The following GABRA3 variants were observed in gnomAD, a reference collection of about 807,000 sequenced individuals.
GABRA3 encodes gamma-aminobutyric acid type A receptor subunit alpha3, also known as gamma-aminobutyric acid receptor subunit alpha-3.
A neutral mutation model predicts 30.1 loss-of-function variants in GABRA3; 10 were observed. The ratio of observed to expected loss-of-function variants is 0.33; its 90% CI spans 0.20 to 0.56. The LOEUF (loss-of-function observed/expected upper bound fraction) is 0.56, where lower values mean the gene tolerates loss of function less well. GABRA3 is among the 20% of genes least tolerant of loss of function. The pLI is 0.89. For synonymous variants in GABRA3, 151 were observed against 146.8 expected (o/e 1.03, Z -0.21); for missense variants, 233 against 392.0 (o/e 0.59, Z 3.42).
intron 3 of GABRA3, among the ~76,000 whole-genome samples, chrX:152,291,010 T>A (rs1939402150): frequency 9.0e-6 from 1 of 111,710 alleles, no homozygotes; most frequent in Non-Finnish European, 1.9e-5. Context: ...CTTTTTTGGT[T>A]CCATATGAAC....
intron 2 of GABRA3, among the ~76,000 whole-genome samples, chrX:152,364,224 G>A (rs1928588908): frequency 9.0e-6 from 1 of 111,400 alleles, no homozygotes; most frequent in Non-Finnish European, 1.9e-5. Flanking sequence ...TCAAGCCTGG[G>A]CCAGGGTGTT....
chrX:152,240,299 C>G (rs1938332409), intron 5 of GABRA3, among the ~76,000 whole-genome samples: 1 of 100,900 alleles, frequency 9.9e-6, no homozygotes, highest in Non-Finnish European at 1.9e-5. Flanking sequence ...AAATTCTTTT[C>G]TTTAAGAACG....
At chrX:152,226,950 C>T (rs1015159167) in intron 5 of GABRA3, among the ~76,000 whole-genome samples, 3 of 111,351 alleles carry the variant, frequency 2.7e-5, no homozygotes, top group African/African-American at 9.8e-5. Context: ...TAAACTAGTT[C>T]AACCATTGTG....
At chrX:152,256,253 A>G in intron 4 of GABRA3, among the ~76,000 whole-genome samples, 1 of 111,209 alleles carries the variant, frequency 9.0e-6, no homozygotes, top group Non-Finnish European at 1.9e-5. Context: ...CCCACACAGC[A>G]CACAAGCTGA....
Position 152,189,727 on chromosome X carries a change from C to T in GABRA3, c.1143+3G>A. On this transcript the variant is annotated splice_donor_region_variant and intron_variant, in intron 9 of 9. Coordinates refer to ENST00000370314, the MANE Select transcript of GABRA3 (RefSeq NM_000808.4). ...TCTCAGTTTCTCTTTTGCTATATCT[C>T]ACCTTCATCTCCAGGGCCTCTGGCA... 1 of 1,193,824 alleles carries T rather than the reference C, an allele frequency of 8.4e-7. No homozygotes were observed. The highest frequency in any genetic ancestry group is 1.1e-6 in the Non-Finnish European group (1 of 881,381).
chrX:152,284,564 C>A, intron 4 of GABRA3, 104 bp downstream of exon 4: 3 of 515,853 alleles, frequency 5.8e-6, no homozygotes, highest in Non-Finnish European at 9.5e-6. Flanking sequence ...TGAGAAAAGA[C>A]CACTCCTTAG....
chrX:152,260,410 G>C (rs1582720), intron 4 of GABRA3, among the ~76,000 whole-genome samples: 9,128 of 110,419 alleles, frequency 0.083, 823 homozygotes, highest in African/African-American at 0.26. Context: ...CCAGGAAGTA[G>C]TTACAGGAAG....
chrX:152,292,679 G>A (rs1249257494), intron 3 of GABRA3, among the ~76,000 whole-genome samples: 1 of 111,423 alleles, frequency 9.0e-6, no homozygotes, highest in Non-Finnish European at 1.9e-5. Flanking sequence ...TTCTCTTGAG[G>A]GCATTTAGTG....
intron 6 of GABRA3, among the ~76,000 whole-genome samples, chrX:152,212,070 G>A (rs1040000331): frequency 1.9e-5 from 2 of 107,832 alleles, no homozygotes; most frequent in Admixed American, 1.0e-4. Flanking sequence ...ATTGCATGGG[G>A]CCAAGAGTTT....
At chrX:152,349,213 G>A (rs12688452) in intron 2 of GABRA3, among the ~76,000 whole-genome samples, 2,351 of 108,132 alleles carry the variant, frequency 0.022, 50 homozygotes, top group East Asian at 0.12. Flanking sequence ...CTCATTGCTC[G>A]TCTGTAAGAA....
chrX:152,384,626 G>T (rs1270945207), intron 1 of GABRA3, among the ~76,000 whole-genome samples: 1 of 112,157 alleles, frequency 8.9e-6, no homozygotes, highest in Admixed American at 9.5e-5. Flanking sequence ...CAGGTGGATT[G>T]AAGATCTAAA....
chrX:152,388,219 T>C (rs1022467636), intron 1 of GABRA3, among the ~76,000 whole-genome samples: 2 of 111,104 alleles, frequency 1.8e-5, no homozygotes, highest in African/African-American at 6.5e-5. Context: ...AGAGATAGAG[T>C]GTCTTGTCCA....
At chrX:152,190,037 AC>A in intron 8 of GABRA3, 96 bp from the exon 9 acceptor site, 1 of 610,646 alleles carries the variant, frequency 1.6e-6, no homozygotes, top group Non-Finnish European at 2.5e-6. Flanking sequence ...GAGAAGCTTT[AC>A]CCCACTCAAA....
At chrX:152,237,210 A>G (rs1938239445) in intron 5 of GABRA3, among the ~76,000 whole-genome samples, 1 of 111,325 alleles carries the variant, frequency 9.0e-6, no homozygotes, top group African/African-American at 3.3e-5. Flanking sequence ...AGCTTTCTCC[A>G]TATGGCTAGC....
chrX:152,433,898 T>C (rs1295219284), intron 1 of GABRA3, among the ~76,000 whole-genome samples: 1 of 111,747 alleles, frequency 8.9e-6, no homozygotes. Context: ...AACAAATTTA[T>C]GGAAATGAAT....
intron 4 of GABRA3, among the ~76,000 whole-genome samples, chrX:152,256,301 T>A (rs186393037): frequency 4.4e-4 from 49 of 111,178 alleles, no homozygotes; most frequent in African/African-American, 1.6e-3. Context: ...AAGTGCTCCC[T>A]CCTGTATGCA....
At chrX:152,333,790 T>C (rs1940195679) in intron 3 of GABRA3, among the ~76,000 whole-genome samples, 1 of 111,965 alleles carries the variant, frequency 8.9e-6, no homozygotes, top group Non-Finnish European at 1.9e-5. Flanking sequence ...TACTAATTTA[T>C]GAATTAGAAC....
At chrX:152,323,171 A>C (rs192374447) in intron 3 of GABRA3, among the ~76,000 whole-genome samples, 1 of 111,270 alleles carries the variant, frequency 9.0e-6, no homozygotes, top group Non-Finnish European at 1.9e-5. Context: ...CTCTTAATTA[A>C]AGTCATCTTA....
At position 152,224,729 on chromosome X, in the gene GABRA3, A is replaced by T. The variant is rs753966906; in HGVS notation, c.634+34T>A. On this transcript the variant is annotated intron_variant, in intron 6 of 9. Transcript: ENST00000370314. Reference sequence around the variant, plus strand: ...GTTTCTTTTGGAAGATCAGGCAAAAAAAAAAGACAGAGAGAGAGAGAGAAA... The same window carrying T: ...GTTTCTTTTGGAAGATCAGGCAAAATAAAAAGACAGAGAGAGAGAGAGAAA... 3.9e-6 allele frequency: 4 copies of T among 1,032,359 alleles called. No homozygotes were observed. In the Admixed American group the frequency reaches 1.0e-4, roughly 27 times the overall value. 85.1% of individuals were successfully genotyped at this position (1,032,359 alleles called of 1,213,427 possible). A position where few individuals can be genotyped will look rare whatever the true frequency, so the allele number is the denominator to read the frequency against.
Sources: allele counts gnomAD v4.1 joint callset (sites outside exome capture counted in the v4.1 genomes callset), GRCh38; gene constraint gnomAD v4.1.1; transcripts MANE v1.5; gene names NCBI Gene and HGNC (gene_info 2026-07-23, HGNC 2026-07-21).